The following ELP5 variants were observed in gnomAD, a reference collection of about 807,000 sequenced individuals.
ELP5 encodes the protein elongator complex protein 5.
In ELP5, 34 loss-of-function variants were observed where a neutral mutation model predicts 33.4. That is an observed-to-expected ratio of 1.02 (90% CI 0.78 to 1.36). The LOEUF is 1.36. ELP5 is among the 40% of genes most tolerant of loss of function. The probability of loss-of-function intolerance (pLI) is 0.00; values close to 1 mark genes in which losing one functional copy is unlikely to be tolerated. For synonymous variants in ELP5, 161 were observed against 146.4 expected, an observed-to-expected ratio of 1.10 and a Z score of -0.72; for missense variants, 373 against 371.7, an observed-to-expected ratio of 1.00 and a Z score of -0.03.
chr17:7,254,522 A>T, intron 3 of ELP5, 61 bp from the exon 4 acceptor site: 1 of 1,241,308 alleles, frequency 8.1e-7, no homozygotes, highest in Non-Finnish European at 1.1e-6. Context: ...CAGAGGATGA[A>T]CTTTGTGATC....
At chr17:7,256,089 A>T (rs1271218733) in intron 4 of ELP5, among the ~76,000 whole-genome samples, 2 of 152,174 alleles carry the variant, frequency 1.3e-5, no homozygotes, top group African/African-American at 4.8e-5. Context: ...GCAGAGGCTC[A>T]TGCCTGTAAT....
At position 7,258,531 on chromosome 17, in the gene ELP5, G is replaced by A. The variant is rs572895022; in HGVS notation, c.592-57G>A. The A allele has an allele frequency of 1.9e-6, 3 of 1,541,380 alleles. No individual in the cohort carries two copies. The South Asian group carries it at 3.4e-5, about 17-fold the overall frequency. ...TGGGGGCTGAGGATGTGAGGTCCTG[G>A]AGTCTGTCTAGTTTCTTCAGTAAGA... On this transcript the variant is annotated intron_variant, in intron 5 of 7. Coordinates refer to ENST00000396628, the MANE Select transcript of ELP5 (RefSeq NM_203414.3).
At position 7,252,527 on chromosome 17, in the gene ELP5, G is replaced by A. The variant is rs755083750; in HGVS notation, c.-24G>A. ...CATGACGCCATCAGAGGGCGCCAGA[G>A]CAGGGACCGGACGCGAGTTGGAGAT... On this transcript the variant is annotated 5_prime_UTR_variant, in exon 1 of 8. Coordinates refer to ENST00000396628, the MANE Select transcript of ELP5 (RefSeq NM_203414.3). 6.2e-7 allele frequency: 1 copy of A among 1,613,846 alleles called. No individual in the cohort carries two copies. Among genetic ancestry groups the A allele is most frequent in the Admixed American group, 1.7e-5 (1 of 60,018 alleles).
chr17:7,253,630 T>A (rs1483678287), intron 3 of ELP5, among the ~76,000 whole-genome samples: 2 of 152,198 alleles, frequency 1.3e-5, no homozygotes, highest in Non-Finnish European at 1.5e-5. Context: ...TAATAGTAGT[T>A]TACATCTTAT....
chr17:7,252,477 A>C lies in ELP5; in HGVS notation c.-74A>C. 6.2e-7 allele frequency: 1 copy of C among 1,610,646 alleles called. No homozygotes were observed. Among genetic ancestry groups the C allele is most frequent in the Non-Finnish European group, 8.5e-7 (1 of 1,178,532 alleles). Reference sequence around the variant, plus strand: ...GACGCCCGAGTGCTCGGCCCGTTTCACCCCGAGGAGGAAGGACACTGGGTC... The same window carrying C: ...GACGCCCGAGTGCTCGGCCCGTTTCCCCCCGAGGAGGAAGGACACTGGGTC... On this transcript the variant is annotated 5_prime_UTR_variant, in exon 1 of 8. Transcript: ENST00000396628.
intron 4 of ELP5, 162 bp downstream of exon 4, chr17:7,254,965 A>G (rs1597582891): frequency 3.4e-6 from 2 of 593,542 alleles, no homozygotes; most frequent in African/African-American, 3.9e-5. Context: ...ACTTCTCCTT[A>G]ATGCCATCTA....
chr17:7,259,502 C>A, intron 7 of ELP5, 69 bp from the exon 8 acceptor site: 1 of 1,596,402 alleles, frequency 6.3e-7, no homozygotes, highest in South Asian at 1.1e-5. Context: ...GAGTCACAGT[C>A]ACCTGGAAGA....
chr17:7,259,760 T>C lies in ELP5; in HGVS notation c.*75T>C. ...GGGCCCAGAACCATCTTTCTATTGT[T>C]TGTGTTAGCCTTACCCTGTCCCTGC... is the stretch of plus-strand genomic sequence containing the variant. On this transcript the variant is annotated 3_prime_UTR_variant, in exon 8 of 8. Transcript: ENST00000396628. 1 of 1,585,896 alleles carries C rather than the reference T, an allele frequency of 6.3e-7. No homozygotes were observed.
At position 7,252,732 on chromosome 17, in the gene ELP5, A is replaced by G. The variant is rs764105344; in HGVS notation, c.47-38A>G. The G allele has an allele frequency of 3.4e-5, 55 of 1,613,780 alleles. No homozygotes were observed. The Middle Eastern group carries it at 8.3e-4, about 24-fold the overall frequency. ...ACGGGTTCGCGAAGGCGGTAATCCC[A>G]GCGCTCTCATACCCTTTATCCGTCC... On this transcript the variant is annotated intron_variant, in intron 1 of 7. Coordinates refer to ENST00000396628, the MANE Select transcript of ELP5 (RefSeq NM_203414.3).
chr17:7,252,081 G>A, upstream of ELP5: 1 of 263,334 alleles, frequency 3.8e-6, no homozygotes, highest in Non-Finnish European at 7.6e-6. Context: ...GGTCTATGGC[G>A]GGTAGGTATA....
intron 3 of ELP5, among the ~76,000 whole-genome samples, chr17:7,253,987 C>T (rs1168800718): frequency 1.4e-5 from 2 of 145,086 alleles, no homozygotes; most frequent in Non-Finnish European, 3.0e-5. Flanking sequence ...ACGAGCGAAA[C>T]TCTGTCTCAA....
intron 5 of ELP5, 83 bp downstream of exon 5, chr17:7,257,121 T>C (rs1008260191): frequency 7.9e-6 from 11 of 1,400,938 alleles, no homozygotes; most frequent in Non-Finnish European, 1.0e-5. Flanking sequence ...AAAATGCTGA[T>C]GTTTCAAGGA....
chr17:7,258,526 T>TC, intron 5 of ELP5, 62 bp from the exon 6 acceptor site: 2 of 1,511,204 alleles, frequency 1.3e-6, no homozygotes, highest in Non-Finnish European at 1.8e-6. Flanking sequence ...GGATGTGAGG[T>TC]CCTGGAGTCT....
rs528697369 is a variant in ELP5 at position 7,259,232 on chromosome 17, A to C, written c.788+306A>C. The C allele has an allele frequency of 2.2e-6, 3 of 1,376,732 alleles. No homozygotes were observed. In the South Asian group the frequency reaches 4.8e-5, roughly 22 times the overall value. The allele number at this position is 1,376,732 out of a possible 1,614,324, so 85.3% of individuals were successfully genotyped here. A position where few individuals can be genotyped will look rare whatever the true frequency, so the allele number is the denominator to read the frequency against. ...CCCTAGGCAGTGGTGCTAGGAGGACAGAAGGCTATATGGGCGTGGCAGAGG... is the reference window on the plus strand; with the variant it reads ...CCCTAGGCAGTGGTGCTAGGAGGACCGAAGGCTATATGGGCGTGGCAGAGG... On this transcript the variant is annotated intron_variant, in intron 7 of 7. Coordinates refer to ENST00000396628, the MANE Select transcript of ELP5 (RefSeq NM_203414.3).
At position 7,254,794 on chromosome 17, in the gene ELP5, T is replaced by C. The variant is rs2072037177; in HGVS notation, c.400T>C (p.Ser134Pro). 6.2e-7 allele frequency: 1 copy of C among 1,613,370 alleles called. No homozygotes were observed. The highest frequency in any genetic ancestry group is 8.5e-7 in the Non-Finnish European group (1 of 1,179,276). ...CCTGCATGCTGTGAGCCATCAGGAC[T>C]CTTGTCCTGGTGAGACCCCTCCTTC... ...QVLHAVSHQD[S>P]CPGDSSSVGK... The change falls in exon 4 of 8, where the codon TCT becomes CCT. Residue 134 changes from serine to proline, a missense_variant. Ser to Pro is a moderately conservative substitution (Grantham distance 74). Coordinates refer to ENST00000396628, the MANE Select transcript of ELP5 (RefSeq NM_203414.3).
At chr17:7,253,080 G>C in intron 3 of ELP5, 82 bp downstream of exon 3, 1 of 1,323,316 alleles carries the variant, frequency 7.6e-7, no homozygotes. Context: ...CGCAGAACCT[G>C]GTATGTAGTA....
upstream of ELP5, chr17:7,251,955 G>C (rs1015452335): frequency 1.3e-5 from 2 of 159,008 alleles, no homozygotes; most frequent in African/African-American, 4.8e-5. Flanking sequence ...TCTGACAGGC[G>C]CCATTTTACC....
rs1247362834 is a variant in ELP5 at position 7,252,513 on chromosome 17, C to A, written c.-38C>A. 6.2e-7 allele frequency: 1 copy of A among 1,613,706 alleles called. No homozygotes were observed. Among genetic ancestry groups the A allele is most frequent in the East Asian group, 2.2e-5 (1 of 44,886 alleles). On this transcript the variant is annotated 5_prime_UTR_variant, in exon 1 of 8. An upstream open reading frame in the 5' UTR gains an earlier in-frame stop. Coordinates refer to ENST00000396628, the MANE Select transcript of ELP5 (RefSeq NM_203414.3). ...GAAGGACACTGGGTCATGACGCCAT[C>A]AGAGGGCGCCAGAGCAGGGACCGGA...
intron 3 of ELP5, 44 bp from the exon 4 acceptor site, chr17:7,254,539 G>A (rs1433163875): frequency 8.3e-6 from 12 of 1,442,752 alleles, no homozygotes; most frequent in Non-Finnish European, 1.1e-5. Context: ...GATCCTCTCG[G>A]GGGAAGGGGC....
Sources: gnomAD v4.1 joint callset for allele counts (sites outside exome capture counted in the v4.1 genomes callset) on GRCh38, gnomAD v4.1.1 for gene constraint, MANE v1.5 for transcripts, NCBI Gene and HGNC (gene_info 2026-07-23, HGNC 2026-07-21) for gene names.